The following TFEC variants were observed in gnomAD, a reference collection of about 807,000 sequenced individuals.
TFEC encodes the protein transcription factor EC.
A neutral mutation model predicts 41.6 loss-of-function variants in TFEC; 31 were observed. The ratio of observed to expected loss-of-function variants is 0.74; its 90% CI spans 0.56 to 1.01. The LOEUF is 1.01. Among genes scored for constraint, TFEC ranks in the 50% least tolerant of loss-of-function variants. TFEC has a pLI of 0.00. For synonymous variants in TFEC, 143 were observed against 140.6 expected (o/e 1.02, Z -0.12); for missense variants, 402 against 404.1 (o/e 0.99, Z 0.04).
At chr7:116,081,756 A>G (rs1797095527) in intron 3 of TFEC, among the ~76,000 whole-genome samples, 1 of 152,082 alleles carries the variant, frequency 6.6e-6, no homozygotes, top group African/African-American at 2.4e-5. Flanking sequence ...TATACCAGCA[A>G]CTTTCAAACC....
chr7:116,133,765 C>A (rs577363017), intron 1 of TFEC, among the ~76,000 whole-genome samples: 2 of 152,130 alleles, frequency 1.3e-5, no homozygotes, highest in African/African-American at 4.8e-5. Context: ...CAGAGCTTAA[C>A]CTATGGTACT....
At chr7:116,073,728 C>T (rs975968410) in intron 3 of TFEC, among the ~76,000 whole-genome samples, 1 of 151,918 alleles carries the variant, frequency 6.6e-6, no homozygotes, top group Non-Finnish European at 1.5e-5. Context: ...TTACAATTTC[C>T]TATTTCAAAA....
chr7:116,047,349 T>C (rs1401504442), intron 3 of TFEC, among the ~76,000 whole-genome samples: 2 of 152,038 alleles, frequency 1.3e-5, no homozygotes, highest in African/African-American at 2.4e-5. Context: ...CACCAGGAGA[T>C]TATATCCTGC....
intron 1 of TFEC, among the ~76,000 whole-genome samples, chr7:116,131,742 C>A (rs1029978468): frequency 6.6e-6 from 1 of 152,138 alleles, no homozygotes; most frequent in African/African-American, 2.4e-5. Flanking sequence ...ATCATCTCCA[C>A]TCCCCTTAAA....
intron 3 of TFEC, among the ~76,000 whole-genome samples, chr7:116,053,799 C>T (rs899296263): frequency 2.6e-5 from 4 of 152,120 alleles, no homozygotes; most frequent in Admixed American, 2.6e-4. Context: ...ATCTCAATCT[C>T]CAGAACTATA....
intron 3 of TFEC, among the ~76,000 whole-genome samples, chr7:116,036,200 TTC>T (rs1795905779): frequency 6.6e-6 from 1 of 152,126 alleles, no homozygotes; most frequent in South Asian, 2.1e-4. Context: ...TGTGTTATAG[TTC>T]TGTCTTAGTT....
chr7:115,986,441 A>G (rs1369675227), intron 1 of TFEC, among the ~76,000 whole-genome samples: 2 of 152,162 alleles, frequency 1.3e-5, no homozygotes, highest in African/African-American at 4.8e-5. Flanking sequence ...TCAGCAGTAC[A>G]ATATCGGTTC....
At chr7:116,122,869 C>T (rs1226133809) in intron 1 of TFEC, among the ~76,000 whole-genome samples, 1 of 151,978 alleles carries the variant, frequency 6.6e-6, no homozygotes. Context: ...TAGTGGATGA[C>T]TACAATAAAT....
At chr7:116,001,368 G>T (rs546105128) in intron 1 of TFEC, among the ~76,000 whole-genome samples, 2 of 151,928 alleles carry the variant, frequency 1.3e-5, no homozygotes, top group African/African-American at 4.8e-5. Flanking sequence ...GGCAGTGTGC[G>T]CCTGTAGTGC....
chr7:116,002,549 G>A (rs1794638550), intron 1 of TFEC, among the ~76,000 whole-genome samples: 1 of 152,130 alleles, frequency 6.6e-6, no homozygotes, highest in Non-Finnish European at 1.5e-5. Context: ...GGGGGTACTG[G>A]AGGTGGTTAA....
chr7:115,936,497 A>G lies in TFEC; in HGVS notation c.*4054T>C, dbSNP rs1201919137. The G allele has an allele frequency of 6.6e-6, 1 of 151,660 alleles. No individual in the cohort carries two copies. The highest frequency in any genetic ancestry group is 2.4e-5 in the African/African-American group (1 of 41,422). The allele number at this position is 151,660 out of a possible 1,614,324, so 9.4% of individuals were successfully genotyped here. A position where few individuals can be genotyped will look rare whatever the true frequency, so the allele number is the denominator to read the frequency against. ...CATCAGACGGTCAGTAAATACCTAAAGTGTTTGAATAGGGTCAAAGACATT... is the reference window on the plus strand; with the variant it reads ...CATCAGACGGTCAGTAAATACCTAAGGTGTTTGAATAGGGTCAAAGACATT... On this transcript the variant is annotated 3_prime_UTR_variant, in exon 8 of 8. Coordinates refer to ENST00000265440, the MANE Select transcript of TFEC (RefSeq NM_012252.4).
At position 115,946,676 on chromosome 7, in the gene TFEC, C is replaced by A. The variant is rs1443533162; in HGVS notation, c.515+4198G>T. ...CTTTCTTTCCTTCCTTCCTTCTTTT[C>A]TTTTCTTTTTTCTTTTCTCTTCTTT... is the stretch of plus-strand genomic sequence containing the variant. On this transcript the variant is annotated intron_variant, in intron 6 of 7. Coordinates refer to ENST00000265440, the MANE Select transcript of TFEC (RefSeq NM_012252.4). Among the ~76,000 whole-genome samples, 6 of 128,722 alleles carry A rather than the reference C, an allele frequency of 4.7e-5. No individual in the cohort carries two copies. The East Asian group carries it at 1.1e-3, about 24-fold the overall frequency. 84.4% of individuals were successfully genotyped at this position (128,722 alleles called of 152,430 possible).
At chr7:116,062,215 C>A (rs1291757762) in intron 3 of TFEC, among the ~76,000 whole-genome samples, 70 of 127,584 alleles carry the variant, frequency 5.5e-4, no homozygotes, top group African/African-American at 1.9e-3. Flanking sequence ...CATGTGCCAA[C>A]ATGCCTGGCC....
At chr7:115,968,289 CTG>C (rs1371349147) in intron 3 of TFEC, 2 of 1,520,072 alleles carry the variant, frequency 1.3e-6, no homozygotes, top group African/African-American at 1.4e-5. Context: ...ACCAAGAGAA[CTG>C]TGTGGAAACT....
At chr7:116,037,950 TA>T (rs1466076068) in intron 3 of TFEC, among the ~76,000 whole-genome samples, 2 of 152,060 alleles carry the variant, frequency 1.3e-5, no homozygotes, top group Non-Finnish European at 2.9e-5. Flanking sequence ...TTTTCACTGC[TA>T]AAACGCATTT....
intron 1 of TFEC, among the ~76,000 whole-genome samples, chr7:116,131,622 G>T (rs978743147): frequency 1.3e-5 from 2 of 152,086 alleles, no homozygotes; most frequent in African/African-American, 4.8e-5. Context: ...TAAAGTAATG[G>T]TTTTAATTAG....
intron 3 of TFEC, among the ~76,000 whole-genome samples, chr7:116,107,287 T>C (rs968319246): frequency 6.6e-6 from 1 of 152,012 alleles, no homozygotes; most frequent in Non-Finnish European, 1.5e-5. Context: ...CCTCCCTCTC[T>C]CCCTACAGCC....
intron 3 of TFEC, among the ~76,000 whole-genome samples, chr7:116,080,506 A>C (rs1387828484): frequency 1.3e-5 from 2 of 152,038 alleles, no homozygotes; most frequent in Non-Finnish European, 2.9e-5. Context: ...ACAACAAAAA[A>C]CATTCCCATC....
intron 1 of TFEC, among the ~76,000 whole-genome samples, chr7:116,137,829 T>C (rs1406432550): frequency 1.3e-5 from 2 of 152,020 alleles, no homozygotes; most frequent in Non-Finnish European, 2.9e-5. Flanking sequence ...TCAACTTAAA[T>C]GATACTTGTG....
Sources: gnomAD v4.1 joint callset for allele counts (sites outside exome capture counted in the v4.1 genomes callset) on GRCh38, gnomAD v4.1.1 for gene constraint, MANE v1.5 for transcripts, NCBI Gene and HGNC (gene_info 2026-07-23, HGNC 2026-07-21) for gene names.